The following ELAPOR2 variants were observed in gnomAD, a reference collection of about 807,000 sequenced individuals.
ELAPOR2 encodes endosome/lysosome-associated apoptosis and autophagy regulator family member 2.
A neutral mutation model predicts 120.7 loss-of-function variants in ELAPOR2; 89 were observed. The ratio of observed to expected loss-of-function variants is 0.74; its 90% confidence interval spans 0.62 to 0.88. The LOEUF (loss-of-function observed/expected upper bound fraction) is 0.88. Among genes scored for constraint, ELAPOR2 ranks in the 40% least tolerant of loss-of-function variants. The pLI, the probability that ELAPOR2 is intolerant of heterozygous loss-of-function variation, is 0.00. For synonymous variants in ELAPOR2, 444 were observed against 444.9 expected (o/e 1.00, Z 0.03); for missense variants, 1,134 against 1,251.6 (o/e 0.91, Z 1.42).
chr7:86,971,246 T>C (rs561245385), intron 1 of ELAPOR2, among the ~76,000 whole-genome samples: 2 of 152,334 alleles, frequency 1.3e-5, no homozygotes, highest in Admixed American at 1.3e-4. Context: ...AAAGCTATGC[T>C]TCACATCTTA....
intron 1 of ELAPOR2, chr7:86,965,959 CCTT>C (rs1791887268): frequency 1.0e-6 from 1 of 985,330 alleles, no homozygotes; most frequent in Non-Finnish European, 1.2e-6. Context: ...TTGTCTTTGA[CCTT>C]CTCTGCATAG....
At chr7:86,963,066 G>C (rs1268230574) in intron 2 of ELAPOR2, among the ~76,000 whole-genome samples, 2 of 152,118 alleles carry the variant, frequency 1.3e-5, no homozygotes, top group African/African-American at 4.8e-5. Context: ...TGGAAATTCA[G>C]ACTTCAGACA....
At chr7:86,983,753 C>T (rs1353234105) in intron 1 of ELAPOR2, among the ~76,000 whole-genome samples, 5 of 152,172 alleles carry the variant, frequency 3.3e-5, no homozygotes, top group East Asian at 1.9e-4. Context: ...TAAAGACCAT[C>T]GATGCTAGGA....
rs542585345 is a variant in ELAPOR2 at position 86,880,983 on chromosome 7, A to C, written c.3031-453T>G. Among the ~76,000 whole-genome samples the C allele has an allele frequency of 3.9e-5, 6 of 152,286 alleles. 1 individual carries two copies. The highest frequency in any genetic ancestry group is 1.4e-4 in the African/African-American group (6 of 41,572). ...TAAATAAGGAGAATGCCAACAAGAC[A>C]TTAGATCAGTTGAGTTCACTAATAT... On this transcript the variant is annotated intron_variant, in intron 21 of 21. Coordinates refer to ENST00000450689, the MANE Select transcript of ELAPOR2 (RefSeq NM_001142749.3).
At chr7:86,882,429 C>T (rs979141992) in intron 21 of ELAPOR2, among the ~76,000 whole-genome samples, 3 of 152,034 alleles carry the variant, frequency 2.0e-5, no homozygotes, top group Non-Finnish European at 4.4e-5. Flanking sequence ...TGGTTATCTT[C>T]AAGGTAATAT....
At chr7:86,908,150 TACACACACACACACACAC>T (rs144805388) in intron 17 of ELAPOR2, among the ~76,000 whole-genome samples, 2 of 144,266 alleles carry the variant, frequency 1.4e-5, no homozygotes, top group East Asian at 2.0e-4. Flanking sequence ...TGTAAGTGAA[TACACACACACACACACAC>T]ACACACACAC....
intron 2 of ELAPOR2, among the ~76,000 whole-genome samples, chr7:86,958,205 G>GT (rs1261920438): frequency 2.0e-5 from 3 of 152,192 alleles, no homozygotes; most frequent in African/African-American, 7.2e-5. Flanking sequence ...ACCTGAATTT[G>GT]TGACTCTGAG....
intron 1 of ELAPOR2, among the ~76,000 whole-genome samples, chr7:87,003,122 T>C (rs1793370004): frequency 6.6e-6 from 1 of 152,120 alleles, no homozygotes; most frequent in African/African-American, 2.4e-5. Context: ...CTTTATGGGA[T>C]TGATAACACA....
intron 1 of ELAPOR2, among the ~76,000 whole-genome samples, chr7:87,017,187 G>C (rs1233959768): frequency 6.6e-6 from 1 of 152,094 alleles, no homozygotes; most frequent in Non-Finnish European, 1.5e-5. Context: ...CCAAAAACTT[G>C]TAAGATTCAA....
intron 1 of ELAPOR2, among the ~76,000 whole-genome samples, chr7:87,010,087 T>G (rs1274217711): frequency 6.6e-6 from 1 of 152,244 alleles, no homozygotes; most frequent in Non-Finnish European, 1.5e-5. Context: ...CTGTGGCTAT[T>G]GTCAAACTTT....
intron 1 of ELAPOR2, among the ~76,000 whole-genome samples, chr7:86,978,552 G>A (rs1183636419): frequency 6.6e-6 from 1 of 152,080 alleles, no homozygotes; most frequent in Non-Finnish European, 1.5e-5. Flanking sequence ...TTTTCTCAGT[G>A]CTCTCAGGCC....
intron 1 of ELAPOR2, among the ~76,000 whole-genome samples, chr7:87,043,629 T>C (rs1298576408): frequency 1.4e-5 from 2 of 146,462 alleles, no homozygotes; most frequent in African/African-American, 5.1e-5. Flanking sequence ...ATAAGAGCTA[T>C]CTATGACAAA....
chr7:86,925,307 T>TA lies in ELAPOR2; in HGVS notation c.1399+220dup, dbSNP rs1004449107. Among the ~76,000 whole-genome samples the TA allele has an allele frequency of 1.1e-3, 174 of 151,870 alleles. 1 individual carries two copies. Among genetic ancestry groups the TA allele is most frequent in the African/African-American group, 4.0e-3 (165 of 41,446 alleles). On this transcript the variant is annotated intron_variant, in intron 10 of 21. Coordinates refer to ENST00000450689, the MANE Select transcript of ELAPOR2 (RefSeq NM_001142749.3). ...TCTCAGCATCTACTTCAATACTGCCTAAAAAAAATGCAAAATTAATAGTTT... is the reference window on the plus strand; with the variant it reads ...TCTCAGCATCTACTTCAATACTGCCTAAAAAAAAATGCAAAATTAATAGTTT...
At chr7:86,935,388 T>C (rs1299574593) in intron 8 of ELAPOR2, among the ~76,000 whole-genome samples, 4 of 152,080 alleles carry the variant, frequency 2.6e-5, no homozygotes, top group Non-Finnish European at 5.9e-5. Flanking sequence ...TCTCCTTCCT[T>C]GGCCTTGCCC....
At chr7:87,033,910 G>C (rs1447124232) in intron 1 of ELAPOR2, among the ~76,000 whole-genome samples, 2 of 151,990 alleles carry the variant, frequency 1.3e-5, no homozygotes, top group Non-Finnish European at 2.9e-5. Context: ...AGATGGTATA[G>C]AAAACAGACC....
intron 1 of ELAPOR2, among the ~76,000 whole-genome samples, chr7:86,987,014 T>C (rs570786081): frequency 3.5e-4 from 53 of 150,494 alleles, no homozygotes; most frequent in African/African-American, 1.2e-3. Flanking sequence ...ACCAATGGAA[T>C]AGAACAGAAC....
At chr7:86,998,562 A>C (rs1037709037) in intron 1 of ELAPOR2, among the ~76,000 whole-genome samples, 11 of 152,284 alleles carry the variant, frequency 7.2e-5, no homozygotes, top group Middle Eastern at 3.4e-3. Flanking sequence ...GGGTTGCTCC[A>C]TACATTGAGG....
rs911154386 is a variant in ELAPOR2 at position 87,059,483 on chromosome 7, C to A, written c.31G>T (p.Gly11Cys). 4.1e-6 allele frequency: 5 copies of A among 1,210,786 alleles called. No individual in the cohort carries two copies. In the African/African-American group the frequency reaches 6.3e-5, roughly 15 times the overall value. The allele number at this position is 1,210,786 out of a possible 1,614,324, so 75.0% of individuals were successfully genotyped here. The stretch of plus-strand genomic sequence containing the variant: ...TCCGCCGGCCGCCCCCAGCCCCTGC[C>A]CCGTACCGGCCCCCGGGCGCGGAAC... MLFRARGPVR[G>C]RGWGRPAEAP... The change falls in exon 1 of 22, where the codon GGC becomes TGC. Residue 11 changes from glycine to cysteine, a missense_variant. This residue lies in a region of ELAPOR2 where 280 missense variants were observed against 331.5 expected (regional missense o/e 0.84). Coordinates refer to ENST00000450689, the MANE Select transcript of ELAPOR2 (RefSeq NM_001142749.3).
intron 17 of ELAPOR2, 80 bp from the exon 18 acceptor site, chr7:86,907,851 C>T (rs1789101092): frequency 1.4e-6 from 1 of 698,396 alleles, no homozygotes; most frequent in South Asian, 2.7e-5. Context: ...TAATTGCTCT[C>T]AGACTTCATG....
Sources: allele counts gnomAD v4.1 joint callset (sites outside exome capture counted in the v4.1 genomes callset), GRCh38; gene constraint gnomAD v4.1.1; regional missense constraint gnomAD v4.1.1; transcripts MANE v1.5; gene names NCBI Gene and HGNC (gene_info 2026-07-23, HGNC 2026-07-21).